The following FAM168A variants were observed in gnomAD, a reference collection of about 807,000 sequenced individuals.
FAM168A encodes family with sequence similarity 168 member A.
In FAM168A, 3 loss-of-function variants were observed where a neutral mutation model predicts 28.5. The ratio of observed to expected loss-of-function variants is 0.11; its 90% CI spans 0.05 to 0.27. The LOEUF is 0.27. FAM168A is among the 10% of genes least tolerant of loss of function. The pLI is 1.00. For missense variants in FAM168A, 222 were observed against 311.5 expected, an observed-to-expected ratio of 0.71 and a Z score of 2.16; for synonymous variants, 122 against 124.2, an observed-to-expected ratio of 0.98 and a Z score of 0.12.
chr11:73,556,968 G>T (rs1278117150), intron 1 of FAM168A, among the ~76,000 whole-genome samples: 1 of 151,928 alleles, frequency 6.6e-6, no homozygotes, highest in East Asian at 1.9e-4. Flanking sequence ...GGCAGAGGTT[G>T]CAGTGAGCCA....
At chr11:73,470,539 T>C (rs756096928) in intron 1 of FAM168A, among the ~76,000 whole-genome samples, 178 of 152,364 alleles carry the variant, frequency 1.2e-3, no homozygotes, top group Middle Eastern at 3.4e-3. Flanking sequence ...AATGCCATTA[T>C]TACAGGAGTG....
chr11:73,503,204 T>C (rs928859525), intron 1 of FAM168A, among the ~76,000 whole-genome samples: 1 of 152,158 alleles, frequency 6.6e-6, no homozygotes, highest in African/African-American at 2.4e-5. Flanking sequence ...AGAGAGGAAG[T>C]CAAGTTGTCT....
At position 73,498,376 on chromosome 11, in the gene FAM168A, G is replaced by A. The variant is rs982976478; in HGVS notation, c.-18-29884C>T. 5.9e-5 allele frequency among the ~76,000 whole-genome samples: 9 copies of A among 152,304 alleles called. No homozygotes were observed. In the East Asian group the frequency reaches 1.7e-3, roughly 29 times the overall value. ...AATGAGCACGCTACCCAGCCAGGGA[G>A]AGTGTGCTTTTTCCACTCAACTTTG... On this transcript the variant is annotated intron_variant, in intron 1 of 7. Coordinates refer to ENST00000356467, the MANE Select transcript of FAM168A (RefSeq NM_015159.3).
chr11:73,566,144 A>C (rs1009644064), intron 1 of FAM168A, among the ~76,000 whole-genome samples: 1 of 152,222 alleles, frequency 6.6e-6, no homozygotes, highest in African/African-American at 2.4e-5. Context: ...TTAAATGCAC[A>C]ATAAGTGAGC....
intron 1 of FAM168A, among the ~76,000 whole-genome samples, chr11:73,519,587 C>T (rs74512664): frequency 6.6e-6 from 1 of 151,156 alleles, no homozygotes; most frequent in East Asian, 1.9e-4. Context: ...GACAATTAAA[C>T]AAGCCATAAC....
rs1006903072 is a variant in FAM168A, at chr11:73,502,638, C to T, written c.-18-34146G>A. On this transcript the variant is annotated intron_variant, in intron 1 of 7. Transcript: ENST00000356467. Reference sequence around the variant, plus strand: ...AAAAGGAGGGACTCATTTTATGAGGCCTCATTTTATGAAGCCATCATCATC... The same window carrying T: ...AAAAGGAGGGACTCATTTTATGAGGTCTCATTTTATGAAGCCATCATCATC... Among the ~76,000 whole-genome samples the T allele has an allele frequency of 3.3e-5, 5 of 151,564 alleles. No homozygotes were observed. In the South Asian group the frequency reaches 6.2e-4, roughly 19 times the overall value.
At chr11:73,435,690 G>C (rs974285735) in intron 2 of FAM168A, among the ~76,000 whole-genome samples, 1 of 152,138 alleles carries the variant, frequency 6.6e-6, no homozygotes, top group African/African-American at 2.4e-5. Flanking sequence ...GCTCACACCT[G>C]TAATCTCAAC....
intron 1 of FAM168A, among the ~76,000 whole-genome samples, chr11:73,498,460 T>C (rs1854939014): frequency 6.6e-6 from 1 of 152,154 alleles, no homozygotes; most frequent in African/African-American, 2.4e-5. Context: ...ACACAGATTC[T>C]TACAGCCTCT....
intron 4 of FAM168A, among the ~76,000 whole-genome samples, chr11:73,416,275 G>C (rs568470813): frequency 6.6e-6 from 1 of 152,132 alleles, no homozygotes. Flanking sequence ...CCTTTTCAGC[G>C]CTTTCTGCAA....
chr11:73,458,158 C>T (rs1246270746), intron 2 of FAM168A, among the ~76,000 whole-genome samples: 1 of 152,188 alleles, frequency 6.6e-6, no homozygotes, highest in Non-Finnish European at 1.5e-5. Flanking sequence ...AAGGAGCTCA[C>T]AGTCTAGAAA....
chr11:73,420,052 C>G, intron 3 of FAM168A, 53 bp from the exon 4 acceptor site: 1 of 1,600,832 alleles, frequency 6.2e-7, no homozygotes, highest in Non-Finnish European at 8.5e-7. Flanking sequence ...GTGGCCACCA[C>G]CAATCACAGA....
At chr11:73,480,723 C>CAAACA (rs1264442224) in intron 1 of FAM168A, among the ~76,000 whole-genome samples, 1 of 128,784 alleles carries the variant, frequency 7.8e-6, no homozygotes, top group Admixed American at 8.2e-5. Context: ...AACAAACAAA[C>CAAACA]AACAACAACA....
chr11:73,414,315 G>A (rs982599774), intron 4 of FAM168A, among the ~76,000 whole-genome samples: 5 of 152,190 alleles, frequency 3.3e-5, no homozygotes, highest in African/African-American at 1.2e-4. Context: ...CTGACAGAGA[G>A]CATATGGCCT....
At chr11:73,432,937 G>T (rs1231271020) in intron 2 of FAM168A, among the ~76,000 whole-genome samples, 1 of 151,890 alleles carries the variant, frequency 6.6e-6, no homozygotes, top group Non-Finnish European at 1.5e-5. Context: ...TAAGAGACAG[G>T]GTCTTGTTCT....
At chr11:73,533,546 C>T (rs1376161927) in intron 1 of FAM168A, among the ~76,000 whole-genome samples, 4 of 144,346 alleles carry the variant, frequency 2.8e-5, no homozygotes, top group African/African-American at 1.1e-4. Flanking sequence ...TTGTGTTTCA[C>T]CAACAGCAAG....
intron 1 of FAM168A, among the ~76,000 whole-genome samples, chr11:73,489,510 CTTT>C (rs56910886): frequency 2.1e-5 from 3 of 139,892 alleles, no homozygotes; most frequent in Admixed American, 7.1e-5. Flanking sequence ...CCATCCCCCA[CTTT>C]TTTTTTTTTT....
intron 1 of FAM168A, among the ~76,000 whole-genome samples, chr11:73,578,821 C>T (rs1037402018): frequency 1.3e-5 from 2 of 152,228 alleles, no homozygotes; most frequent in Non-Finnish European, 2.9e-5. Flanking sequence ...TTGCCTCTTA[C>T]TATGAATCTA....
chr11:73,427,093 G>A (rs1213006719), intron 3 of FAM168A, among the ~76,000 whole-genome samples: 1 of 152,084 alleles, frequency 6.6e-6, no homozygotes, highest in African/African-American at 2.4e-5. Flanking sequence ...CCGGGTTCAA[G>A]CAATTCTCCT....
chr11:73,571,220 TCTCCCC>T (rs1565303123), intron 1 of FAM168A, among the ~76,000 whole-genome samples: 6 of 79,908 alleles, frequency 7.5e-5, no homozygotes, highest in African/African-American at 1.3e-4. Context: ...AAACTCTCCC[TCTCCCC>T]CTCCCCCTCC....
Sources: gnomAD v4.1 joint callset for allele counts (sites outside exome capture counted in the v4.1 genomes callset) on GRCh38, gnomAD v4.1.1 for gene constraint, MANE v1.5 for transcripts, NCBI Gene and HGNC (gene_info 2026-07-23, HGNC 2026-07-21) for gene names.